Variants in THOC2 observed in about 807,000 individuals in gnomAD.
THOC2 encodes the protein THO complex 2.
THOC2 carries 10 observed loss-of-function variants against 128.4 expected under a neutral mutation model. The ratio of observed to expected loss-of-function variants is 0.08; its 90% CI spans 0.05 to 0.13. The LOEUF is 0.13. THOC2 is among the 10% of genes least tolerant of loss of function. The pLI, the probability that THOC2 is intolerant of heterozygous loss-of-function variation, is 1.00. For missense variants in THOC2, 535 were observed against 1,155.7 expected (o/e 0.46, Z 7.79); for synonymous variants, 393 against 396.9 (o/e 0.99, Z 0.12).
chrX:123,635,346 GT>G lies in THOC2; in HGVS notation c.2018+732del, dbSNP rs755929344. On this transcript the variant is annotated intron_variant, in intron 19 of 38. Coordinates refer to ENST00000245838, the MANE Select transcript of THOC2 (RefSeq NM_001081550.2). Reference sequence around the variant, plus strand: ...GTGCCCATAAAATCATAAGTTTAAAGTTTTTTTAAGTTTTCCCTAAGCCAAA... The same window carrying G: ...GTGCCCATAAAATCATAAGTTTAAAGTTTTTTAAGTTTTCCCTAAGCCAAA... 8.1e-5 allele frequency among the ~76,000 whole-genome samples: 9 copies of G among 111,714 alleles called. No individual in the cohort carries two copies. The East Asian group carries it at 2.5e-3, about 31-fold the overall frequency.
chrX:123,611,689 T>C (rs1339332812), intron 36 of THOC2, among the ~76,000 whole-genome samples, 173 bp from the exon 37 acceptor site: 1 of 105,874 alleles, frequency 9.4e-6, no homozygotes, highest in African/African-American at 3.5e-5. Flanking sequence ...TCATCAAAAG[T>C]AAAAACATTC....
chrX:123,680,969 C>T (rs2049751339), intron 8 of THOC2, among the ~76,000 whole-genome samples: 1 of 107,500 alleles, frequency 9.3e-6, no homozygotes, highest in South Asian at 3.9e-4. Context: ...CATGCATTCT[C>T]TCTCTCTCTC....
chrX:123,703,714 C>G (rs774190590), intron 3 of THOC2, among the ~76,000 whole-genome samples: 1 of 84,882 alleles, frequency 1.2e-5, no homozygotes, highest in South Asian at 7.0e-4. Context: ...GTGGTGAAAC[C>G]CCATCTCTAC....
chrX:123,718,532 G>A (rs2051529744), intron 1 of THOC2, among the ~76,000 whole-genome samples: 1 of 111,547 alleles, frequency 9.0e-6, no homozygotes, highest in African/African-American at 3.3e-5. Flanking sequence ...GGCCAAGGCA[G>A]GCAGATAATC....
intron 12 of THOC2, among the ~76,000 whole-genome samples, chrX:123,649,061 G>T (rs190621737): frequency 1.6e-4 from 18 of 112,052 alleles, no homozygotes; most frequent in Admixed American, 1.3e-3. Flanking sequence ...CATCATACAG[G>T]AGAGCTCTGG....
intron 12 of THOC2, among the ~76,000 whole-genome samples, chrX:123,645,687 C>A (rs1306883107): frequency 2.7e-5 from 3 of 112,657 alleles, no homozygotes; most frequent in African/African-American, 9.7e-5. Context: ...AAGGGCTGGG[C>A]GCGGTGCCTC....
At chrX:123,661,202 C>T (rs963470656) in intron 12 of THOC2, among the ~76,000 whole-genome samples, 6 of 111,507 alleles carry the variant, frequency 5.4e-5, no homozygotes, top group African/African-American at 1.6e-4. Context: ...GTCAGGAGTT[C>T]GAGACCAGCG....
intron 12 of THOC2, among the ~76,000 whole-genome samples, chrX:123,655,867 C>A (rs1160963968): frequency 9.0e-6 from 1 of 111,039 alleles, no homozygotes; most frequent in Non-Finnish European, 1.9e-5. Flanking sequence ...AACATAAACA[C>A]AGAATCTCTC....
intron 12 of THOC2, among the ~76,000 whole-genome samples, chrX:123,652,939 A>G (rs1234112224): frequency 1.8e-5 from 2 of 112,000 alleles, no homozygotes; most frequent in African/African-American, 6.5e-5. Flanking sequence ...TTTCATAAGG[A>G]ACCAAAAAAG....
chrX:123,610,877 G>A (rs1002666209), intron 38 of THOC2, 41 bp downstream of exon 38: 2 of 1,097,559 alleles, frequency 1.8e-6, no homozygotes, highest in Non-Finnish European at 1.2e-6. Context: ...CTCATTTTAT[G>A]TTTCTATCAT....
intron 38 of THOC2, chrX:123,603,391 A>T: frequency 3.0e-6 from 1 of 332,117 alleles, no homozygotes; most frequent in Non-Finnish European, 5.2e-6. Context: ...GTCATTAAGG[A>T]ACTGGTTCCT....
chrX:123,669,987 C>T lies in THOC2; in HGVS notation c.862-1673G>A, dbSNP rs140464178. Among the ~76,000 whole-genome samples the T allele has an allele frequency of 7.3e-3, 820 of 112,351 alleles. 6 individuals are homozygous for T. Among genetic ancestry groups the T allele is most frequent in the Non-Finnish European group, 0.012 (643 of 53,276 alleles). ...GGACCACTCAGTCTGCTTACATTTA[C>T]TGCTAAATGCAATCATAATGAGTAA... is the stretch of plus-strand genomic sequence containing the variant. On this transcript the variant is annotated intron_variant, in intron 9 of 38. Coordinates refer to ENST00000245838, the MANE Select transcript of THOC2 (RefSeq NM_001081550.2).
intron 19 of THOC2, among the ~76,000 whole-genome samples, 175 bp from the exon 20 acceptor site, chrX:123,634,245 G>A (rs777585109): frequency 1.3e-4 from 14 of 111,784 alleles, no homozygotes; most frequent in Non-Finnish European, 2.1e-4. Context: ...TACTTGGTGC[G>A]TAAGTTTATT....
chrX:123,697,890 C>T (rs752042011), intron 4 of THOC2, 139 bp from the exon 5 acceptor site: 6 of 392,815 alleles, frequency 1.5e-5, no homozygotes, highest in African/African-American at 1.0e-4. Flanking sequence ...ACTATGGTAA[C>T]ATGAGATGTT....
intron 1 of THOC2, among the ~76,000 whole-genome samples, chrX:123,729,227 C>T (rs1287330593): frequency 8.9e-6 from 1 of 111,963 alleles, no homozygotes; most frequent in Non-Finnish European, 1.9e-5. Context: ...TTTAAGATCA[C>T]TTTAAAGGTC....
chrX:123,682,563 T>C (rs757539933), intron 8 of THOC2, among the ~76,000 whole-genome samples: 1 of 112,249 alleles, frequency 8.9e-6, no homozygotes, highest in Non-Finnish European at 1.9e-5. Flanking sequence ...ATATCCTTCA[T>C]GTCTTTGCTT....
At chrX:123,685,130 G>C (rs1017787935) in intron 8 of THOC2, among the ~76,000 whole-genome samples, 2 of 112,318 alleles carry the variant, frequency 1.8e-5, no homozygotes, top group Admixed American at 1.9e-4. Flanking sequence ...TAGATCACTC[G>C]TTTACAATTA....
Position 123,712,876 on chromosome X carries a change from T to G in THOC2, c.104A>C (p.Lys35Thr), listed in dbSNP as rs1347296546. ...LHLCRILSENKSHDSSTYRDF... is the reference protein window; with the variant it reads ...LHLCRILSENTSHDSSTYRDF... ...TCTGTATGTTGAACTATCATGGCTTTTATTTTCACTGAGGATCCGACATAA... is the reference window on the plus strand; with the variant it reads ...TCTGTATGTTGAACTATCATGGCTTGTATTTTCACTGAGGATCCGACATAA... The change falls in exon 2 of 39, where the codon AAA becomes ACA. Residue 35 changes from lysine to threonine, a missense_variant. Lys to Thr is a moderately conservative substitution (Grantham distance 78). Around this residue, in one of 9 missense-constraint regions of THOC2, gnomAD observed 61 missense variants for 84.3 expected, o/e 0.72. Coordinates refer to ENST00000245838, the MANE Select transcript of THOC2 (RefSeq NM_001081550.2). 1 of 1,173,893 alleles carries G rather than the reference T, an allele frequency of 8.5e-7. No individual in the cohort carries two copies.
At chrX:123,641,502 T>C (rs2047910482) in intron 15 of THOC2, among the ~76,000 whole-genome samples, 1 of 112,127 alleles carries the variant, frequency 8.9e-6, no homozygotes, top group East Asian at 2.8e-4. Context: ...CAATTCTCCA[T>C]ATCCCAGTTT....
Sources: allele counts gnomAD v4.1 joint callset (sites outside exome capture counted in the v4.1 genomes callset), GRCh38; gene constraint gnomAD v4.1.1; regional missense constraint gnomAD v4.1.1; transcripts MANE v1.5; gene names NCBI Gene and HGNC (gene_info 2026-07-23, HGNC 2026-07-21).